Variants in CHN2 observed in about 807,000 individuals in gnomAD.
CHN2 encodes chimerin 2, also known as beta-chimaerin.
Under a neutral mutation model 56.3 loss-of-function variants are expected in CHN2, and 35 were observed. That is an observed-to-expected ratio of 0.62 (90% CI 0.47 to 0.82). The LOEUF (loss-of-function observed/expected upper bound fraction) is 0.82, where lower values mean the gene tolerates loss of function less well. CHN2 is among the 40% of genes least tolerant of loss of function. CHN2 has a pLI of 0.00. For synonymous variants in CHN2, 210 were observed against 212.8 expected (o/e 0.99, Z 0.12); for missense variants, 491 against 580.5 (o/e 0.85, Z 1.58).
chr7:29,471,119 T>C (rs1183331508), intron 6 of CHN2, among the ~76,000 whole-genome samples: 1 of 152,252 alleles, frequency 6.6e-6, no homozygotes, highest in African/African-American at 2.4e-5. Flanking sequence ...AACCCTACCA[T>C]ACTTTCTAAA....
chr7:29,438,272 C>A (rs1441593207), intron 6 of CHN2, among the ~76,000 whole-genome samples: 1 of 152,218 alleles, frequency 6.6e-6, no homozygotes, highest in Non-Finnish European at 1.5e-5. Context: ...AAACACTATG[C>A]AGATTCAAGA....
intron 7 of CHN2, among the ~76,000 whole-genome samples, chr7:29,486,404 C>T (rs1283478129): frequency 1.3e-5 from 2 of 152,222 alleles, no homozygotes; most frequent in South Asian, 2.1e-4. Context: ...GGAGTGGGCC[C>T]TTGCCAGGGT....
intron 1 of CHN2, among the ~76,000 whole-genome samples, chr7:29,286,878 T>A: frequency 6.6e-6 from 1 of 152,194 alleles, no homozygotes; most frequent in East Asian, 1.9e-4. Flanking sequence ...TTGCCATGGG[T>A]CTTATAGGAT....
intron 6 of CHN2, among the ~76,000 whole-genome samples, chr7:29,448,995 A>G (rs867284775): frequency 1.3e-5 from 2 of 152,230 alleles, no homozygotes; most frequent in Non-Finnish European, 2.9e-5. Context: ...CCCTTCATCA[A>G]ACCCAGCATT....
chr7:29,248,613 C>T (rs1433188358), intron 1 of CHN2, among the ~76,000 whole-genome samples: 1 of 152,210 alleles, frequency 6.6e-6, no homozygotes, highest in Admixed American at 6.5e-5. Context: ...TGGTGGTTCC[C>T]TCCCTCTTAA....
chr7:29,153,058 C>A (rs1462007922), intron 2 of CHN2, among the ~76,000 whole-genome samples: 3 of 152,238 alleles, frequency 2.0e-5, no homozygotes, highest in Non-Finnish European at 2.9e-5. Flanking sequence ...TAGCACTCTA[C>A]ACCACCATGT....
intron 6 of CHN2, among the ~76,000 whole-genome samples, chr7:29,437,501 G>A (rs1242503861): frequency 5.6e-4 from 61 of 108,152 alleles, no homozygotes; most frequent in African/African-American, 1.2e-3. Context: ...GGGAGGCTGA[G>A]GCAGGAGAAT....
chr7:29,278,216 C>G (rs991572413), intron 1 of CHN2, among the ~76,000 whole-genome samples: 6 of 152,132 alleles, frequency 3.9e-5, no homozygotes, highest in African/African-American at 1.4e-4. Flanking sequence ...AGTACTTATG[C>G]CTGGGTCTTG....
At chr7:29,395,001 C>T (rs1486343128) in intron 4 of CHN2, among the ~76,000 whole-genome samples, 2 of 152,098 alleles carry the variant, frequency 1.3e-5, no homozygotes, top group African/African-American at 2.4e-5. Flanking sequence ...TTCTGTGTTT[C>T]CCTTTATTTT....
intron 1 of CHN2, among the ~76,000 whole-genome samples, chr7:29,336,286 A>G (rs1359462806): frequency 6.6e-6 from 1 of 152,134 alleles, no homozygotes; most frequent in East Asian, 1.9e-4. Context: ...ACTGACTCCC[A>G]ATAAAAATGG....
chr7:29,305,780 C>CTCCTCCCCTCCA (rs1386078241), intron 1 of CHN2, among the ~76,000 whole-genome samples: 3 of 152,016 alleles, frequency 2.0e-5, no homozygotes, highest in Non-Finnish European at 2.9e-5. Flanking sequence ...CTCCTCCCTT[C>CTCCTCCCCTCCA]TCCTCCCCTC....
intron 1 of CHN2, among the ~76,000 whole-genome samples, chr7:29,350,761 A>G (rs144339086): frequency 5.1e-4 from 77 of 152,280 alleles, no homozygotes; most frequent in African/African-American, 1.8e-3. Flanking sequence ...TCTGCTGAGA[A>G]CTTGCTATTG....
chr7:29,251,584 C>G (rs576381124), intron 1 of CHN2, among the ~76,000 whole-genome samples: 1 of 152,102 alleles, frequency 6.6e-6, no homozygotes, highest in Admixed American at 6.5e-5. Context: ...TGAATAAATG[C>G]GAGGCAGTGT....
chr7:29,256,876 G>C (rs984529987), intron 1 of CHN2, among the ~76,000 whole-genome samples: 2 of 152,172 alleles, frequency 1.3e-5, no homozygotes, highest in Non-Finnish European at 2.9e-5. Flanking sequence ...CCTTGTATTA[G>C]CAAGGAGTTC....
chr7:29,427,235 C>A (rs773444602), intron 6 of CHN2, among the ~76,000 whole-genome samples: 12 of 152,150 alleles, frequency 7.9e-5, no homozygotes, highest in Admixed American at 1.3e-4. Context: ...AGAATCTCTT[C>A]AACCTGGGAG....
chr7:29,148,973 G>GT (rs1317498547), intron 2 of CHN2, among the ~76,000 whole-genome samples: 1 of 152,126 alleles, frequency 6.6e-6, no homozygotes, highest in African/African-American at 2.4e-5. Context: ...GAGGGGAAAG[G>GT]TGGCAGCACA....
At chr7:29,455,522 G>GTGGC (rs987354192) in intron 6 of CHN2, among the ~76,000 whole-genome samples, 1 of 152,128 alleles carries the variant, frequency 6.6e-6, no homozygotes, top group African/African-American at 2.4e-5. Flanking sequence ...GTGTCTTTGT[G>GTGGC]TGGCTTTCCC....
intron 4 of CHN2, 115 bp from the exon 5 acceptor site, chr7:29,398,258 C>T (rs1801924152): frequency 9.6e-6 from 7 of 732,084 alleles, no homozygotes; most frequent in African/African-American, 1.7e-5. Context: ...CCCTTCTTCA[C>T]TCAGTTGTGG....
chr7:29,473,787 A>T (rs1323234310), intron 6 of CHN2, among the ~76,000 whole-genome samples: 1 of 152,036 alleles, frequency 6.6e-6, no homozygotes, highest in Non-Finnish European at 1.5e-5. Context: ...CTTTGATAAG[A>T]GGTAATTGTG....
Sources: gnomAD v4.1 joint callset for allele counts (sites outside exome capture counted in the v4.1 genomes callset) on GRCh38, gnomAD v4.1.1 for gene constraint, MANE v1.5 for transcripts, NCBI Gene and HGNC (gene_info 2026-07-23, HGNC 2026-07-21) for gene names.